DPF3: variants seen among roughly 807,000 people sequenced by gnomAD.
DPF3 encodes the protein zinc finger protein DPF3.
In DPF3, 18 loss-of-function variants were observed where a neutral mutation model predicts 56.8. The observed-to-expected ratio is 0.32, with a 90% CI of 0.22 to 0.47. The LOEUF is 0.47. DPF3 is among the 20% of genes least tolerant of loss of function. DPF3 has a pLI of 1.00. For synonymous variants in DPF3, 188 were observed against 180.2 expected, an observed-to-expected ratio of 1.04 and a Z score of -0.35; for missense variants, 403 against 488.8, an observed-to-expected ratio of 0.82 and a Z score of 1.65.
chr14:72,661,382 A>G (rs1886203941), intron 8 of DPF3: 1 of 985,210 alleles, frequency 1.0e-6, no homozygotes, highest in South Asian at 4.7e-5. Context: ...GCTCAGAACC[A>G]TTTCAGTAAC....
chr14:72,869,922 T>C (rs1885831103), intron 1 of DPF3, among the ~76,000 whole-genome samples: 1 of 152,070 alleles, frequency 6.6e-6, no homozygotes, highest in Non-Finnish European at 1.5e-5. Context: ...AGCAGGAAGA[T>C]TCAGAGCAGT....
intron 2 of DPF3, among the ~76,000 whole-genome samples, chr14:72,770,756 TA>T (rs1020638688): frequency 6.6e-6 from 1 of 152,210 alleles, no homozygotes; most frequent in Non-Finnish European, 1.5e-5. Flanking sequence ...GAAACATTTT[TA>T]AAAACATATC....
At chr14:72,671,245 G>A (rs780037884) in intron 8 of DPF3, 11 of 1,613,944 alleles carry the variant, frequency 6.8e-6, no homozygotes, top group African/African-American at 1.3e-5. Context: ...GAAAGTTGAC[G>A]TGTCACTTTC....
intron 4 of DPF3, among the ~76,000 whole-genome samples, chr14:72,728,164 T>C (rs1212813275): frequency 2.6e-5 from 4 of 152,188 alleles, no homozygotes; most frequent in Non-Finnish European, 2.9e-5. Flanking sequence ...AAAAAAATAC[T>C]CTAGCAAGTA....
At chr14:72,785,918 C>A (rs1025921436) in intron 1 of DPF3, among the ~76,000 whole-genome samples, 7 of 152,066 alleles carry the variant, frequency 4.6e-5, no homozygotes, top group African/African-American at 1.4e-4. Context: ...TTAAAGAATC[C>A]CAGAATGTTA....
intron 9 of DPF3, among the ~76,000 whole-genome samples, chr14:72,620,185 T>C (rs1884341993): frequency 6.6e-6 from 1 of 152,146 alleles, no homozygotes; most frequent in Admixed American, 6.5e-5. Flanking sequence ...CCTCCCAGCC[T>C]ATATAAATCC....
At chr14:72,650,642 C>G (rs1885880629) in intron 8 of DPF3, among the ~76,000 whole-genome samples, 1 of 152,116 alleles carries the variant, frequency 6.6e-6, no homozygotes, top group African/African-American at 2.4e-5. Context: ...TCTGTAGGTG[C>G]ACACCCCATA....
At chr14:72,636,930 T>C (rs58984029) in intron 8 of DPF3, among the ~76,000 whole-genome samples, 6,824 of 152,294 alleles carry the variant, frequency 0.045, 536 homozygotes, top group African/African-American at 0.16. Flanking sequence ...GCGTGAGCTG[T>C]GTGGCTGCCC....
intron 1 of DPF3, among the ~76,000 whole-genome samples, chr14:72,782,260 T>C (rs1892008989): frequency 1.3e-5 from 2 of 151,074 alleles, no homozygotes; most frequent in South Asian, 4.2e-4. Context: ...AAGGTTTTGC[T>C]CTGTTGCCCA....
At chr14:72,771,180 T>C (rs560602001) in intron 2 of DPF3, among the ~76,000 whole-genome samples, 4 of 147,976 alleles carry the variant, frequency 2.7e-5, no homozygotes, top group Non-Finnish European at 6.0e-5. Flanking sequence ...AAAAAAAAAA[T>C]AACAATAATA....
chr14:72,641,724 G>A (rs1555491256), intron 8 of DPF3, among the ~76,000 whole-genome samples: 2 of 152,220 alleles, frequency 1.3e-5, no homozygotes, highest in Non-Finnish European at 2.9e-5. Flanking sequence ...TTGCAAAAAT[G>A]CCCACAAATT....
intron 1 of DPF3, among the ~76,000 whole-genome samples, chr14:72,858,938 T>C (rs1041690340): frequency 1.3e-5 from 2 of 152,154 alleles, no homozygotes; most frequent in African/African-American, 4.8e-5. Flanking sequence ...TACTGCTAAA[T>C]AACACTATAT....
chr14:72,792,353 T>C (rs112902864), intron 1 of DPF3, among the ~76,000 whole-genome samples: 31 of 152,134 alleles, frequency 2.0e-4, no homozygotes, highest in African/African-American at 6.7e-4. Flanking sequence ...GCACATTCCC[T>C]GAGAACACCG....
At chr14:72,635,126 C>T (rs1053146433) in intron 8 of DPF3, among the ~76,000 whole-genome samples, 10 of 152,206 alleles carry the variant, frequency 6.6e-5, no homozygotes, top group African/African-American at 2.4e-4. Context: ...CTGGGTATGT[C>T]ACCCATGGCC....
At chr14:72,759,508 A>AAGAGAGAGAG (rs34502740) in intron 2 of DPF3, among the ~76,000 whole-genome samples, 1 of 147,614 alleles carries the variant, frequency 6.8e-6, no homozygotes, top group African/African-American at 2.5e-5. Context: ...GTCTCCACAA[A>AAGAGAGAGAG]AGAGAGAGAG....
At chr14:72,810,510 T>G (rs1882995033) in intron 1 of DPF3, among the ~76,000 whole-genome samples, 1 of 151,550 alleles carries the variant, frequency 6.6e-6, no homozygotes, top group Non-Finnish European at 1.5e-5. Flanking sequence ...AAGAGGGGCA[T>G]GAAAAAGAAG....
At chr14:72,750,007 C>A (rs1177359395) in intron 3 of DPF3, among the ~76,000 whole-genome samples, 1 of 152,148 alleles carries the variant, frequency 6.6e-6, no homozygotes, top group African/African-American at 2.4e-5. Context: ...AGCCAACTTT[C>A]CTTTTTCTGC....
At chr14:72,631,618 C>A (rs554517451) in intron 8 of DPF3, among the ~76,000 whole-genome samples, 5 of 152,266 alleles carry the variant, frequency 3.3e-5, no homozygotes, top group African/African-American at 1.2e-4. Context: ...CCCAGCCACA[C>A]CCAGCCAGCT....
At chr14:72,742,955 C>G (rs769368597) in intron 3 of DPF3, among the ~76,000 whole-genome samples, 1 of 152,142 alleles carries the variant, frequency 6.6e-6, no homozygotes, top group East Asian at 1.9e-4. Flanking sequence ...CAGGTCCCTA[C>G]GACTTGCTTG....
Sources: allele counts gnomAD v4.1 joint callset (sites outside exome capture counted in the v4.1 genomes callset), GRCh38; gene constraint gnomAD v4.1.1; transcripts MANE v1.5; gene names NCBI Gene and HGNC (gene_info 2026-07-23, HGNC 2026-07-21).